The following WWOX variants were observed in gnomAD, a reference collection of about 807,000 sequenced individuals.
The protein encoded by WWOX is WW domain containing oxidoreductase, also known as WW domain-containing oxidoreductase.
In WWOX, 69 loss-of-function variants were observed where a neutral mutation model predicts 46.2. The ratio of observed to expected loss-of-function variants is 1.49; its 90% CI spans 1.23 to 1.82. The LOEUF is 1.82. Ranked by LOEUF, WWOX falls within the 40% of genes most tolerant of loss-of-function variation. The probability of loss-of-function intolerance (pLI) is 0.00; values close to 1 mark genes in which losing one functional copy is unlikely to be tolerated. For synonymous variants in WWOX, 359 were observed against 202.6 expected, an observed-to-expected ratio of 1.77 and a Z score of -6.56; for missense variants, 919 against 542.6, an observed-to-expected ratio of 1.69 and a Z score of -6.89.
At chr16:78,200,757 G>A (rs1158008916) in intron 5 of WWOX, among the ~76,000 whole-genome samples, 1 of 151,862 alleles carries the variant, frequency 6.6e-6, no homozygotes, top group African/African-American at 2.4e-5. Flanking sequence ...TCTTGGGCCC[G>A]TCCACTCGGT....
chr16:79,055,052 G>A (rs1187078066), intron 8 of WWOX, among the ~76,000 whole-genome samples: 1 of 152,112 alleles, frequency 6.6e-6, no homozygotes, highest in East Asian at 1.9e-4. Context: ...TATTTCGTCA[G>A]AGACCTAAAA....
rs367900498 is a variant in WWOX, at chr16:79,183,009, G to C, written c.1057-28599G>C. Among the ~76,000 whole-genome samples the C allele has an allele frequency of 2.0e-5, 3 of 152,308 alleles. No individual in the cohort carries two copies. The South Asian group carries it at 6.2e-4, about 32-fold the overall frequency. Reference sequence around the variant, plus strand: ...GCGGGTCAGCATAGTGGTGGCCCTCGTCTGACACACATATTTCAGGAGGGG... The same window carrying C: ...GCGGGTCAGCATAGTGGTGGCCCTCCTCTGACACACATATTTCAGGAGGGG... On this transcript the variant is annotated intron_variant, in intron 8 of 8. Transcript: ENST00000566780.
At chr16:78,398,490 C>T (rs2082339257) in intron 6 of WWOX, among the ~76,000 whole-genome samples, 1 of 152,218 alleles carries the variant, frequency 6.6e-6, no homozygotes, top group African/African-American at 2.4e-5. Context: ...TGTGTCACGT[C>T]CTCTACAGAG....
intron 5 of WWOX, among the ~76,000 whole-genome samples, chr16:78,321,348 AC>A (rs2080471696): frequency 3.9e-5 from 2 of 51,824 alleles, no homozygotes; most frequent in South Asian, 5.7e-4. Flanking sequence ...GTATATATAT[AC>A]GTATATATGC....
At chr16:78,422,249 A>G (rs2082950949) in intron 6 of WWOX, among the ~76,000 whole-genome samples, 1 of 152,176 alleles carries the variant, frequency 6.6e-6, no homozygotes, top group Admixed American at 6.5e-5. Context: ...ACTGTTTTAG[A>G]GAGCAGAAGA....
chr16:78,309,447 A>T (rs1286557872), intron 5 of WWOX, among the ~76,000 whole-genome samples: 1 of 152,148 alleles, frequency 6.6e-6, no homozygotes, highest in Non-Finnish European at 1.5e-5. Flanking sequence ...AGAATGGGCT[A>T]ATATACCACG....
At chr16:78,514,219 G>C (rs1393061741) in intron 8 of WWOX, among the ~76,000 whole-genome samples, 1 of 152,152 alleles carries the variant, frequency 6.6e-6, no homozygotes, top group Non-Finnish European at 1.5e-5. Context: ...TCTAAAAAGA[G>C]CAGATTTTAA....
intron 5 of WWOX, among the ~76,000 whole-genome samples, chr16:78,364,348 A>G (rs924979170): frequency 1.7e-4 from 26 of 152,198 alleles, no homozygotes; most frequent in Admixed American, 1.4e-3. Flanking sequence ...GGCTGTATCT[A>G]ATTACAAGGC....
At chr16:78,204,616 A>C (rs1052671658) in intron 5 of WWOX, among the ~76,000 whole-genome samples, 6 of 152,034 alleles carry the variant, frequency 3.9e-5, no homozygotes, top group African/African-American at 1.2e-4. Flanking sequence ...CTGTGAGTTC[A>C]GTTGTTTTGA....
chr16:78,648,324 G>T (rs530241539), intron 8 of WWOX, among the ~76,000 whole-genome samples: 1 of 152,320 alleles, frequency 6.6e-6, no homozygotes, highest in African/African-American at 2.4e-5. Flanking sequence ...GGAAACGCTG[G>T]TGGGTGCTCA....
At chr16:78,576,484 C>G (rs1477624672) in intron 8 of WWOX, among the ~76,000 whole-genome samples, 1 of 152,118 alleles carries the variant, frequency 6.6e-6, no homozygotes, top group Non-Finnish European at 1.5e-5. Flanking sequence ...TGATGTTTTT[C>G]CATTTCGGTT....
chr16:78,368,779 G>T (rs995235838), intron 5 of WWOX, among the ~76,000 whole-genome samples: 1 of 152,088 alleles, frequency 6.6e-6, no homozygotes. Flanking sequence ...TACCCATCGC[G>T]ATTCATTTGT....
chr16:78,752,627 C>G (rs550574513), intron 8 of WWOX, among the ~76,000 whole-genome samples: 1 of 152,188 alleles, frequency 6.6e-6, no homozygotes, highest in African/African-American at 2.4e-5. Flanking sequence ...TTTAAACTCA[C>G]TTTCAAATCA....
chr16:78,474,854 C>G (rs150077406), intron 8 of WWOX, among the ~76,000 whole-genome samples: 1 of 152,142 alleles, frequency 6.6e-6, no homozygotes, highest in African/African-American at 2.4e-5. Context: ...TGTGAGTGGT[C>G]CTTTCACTTT....
intron 5 of WWOX, among the ~76,000 whole-genome samples, chr16:78,370,429 G>A (rs536621324): frequency 5.9e-5 from 9 of 151,894 alleles, no homozygotes; most frequent in Non-Finnish European, 1.0e-4. Context: ...TCAAAATACC[G>A]TTTACATTGG....
In WWOX at chr16:78,995,066, G is replaced by T. The variant is rs142480173; in HGVS notation, c.1057-216542G>T. ...GGATTCCCAGTCCCCCTGGTAAAAA[G>T]TCTGGAGGATGCCGAGGAGTTCACT... is the stretch of plus-strand genomic sequence containing the variant. On this transcript the variant is annotated intron_variant, in intron 8 of 8. Coordinates refer to ENST00000566780, the MANE Select transcript of WWOX (RefSeq NM_016373.4). 6.2e-3 allele frequency among the ~76,000 whole-genome samples: 862 copies of T among 139,726 alleles called. 6 individuals carry two copies. The highest frequency in any genetic ancestry group is 0.023 in the Middle Eastern group (5 of 218). The allele number at this position is 139,726 out of a possible 152,430, so 91.7% of individuals were successfully genotyped here.
chr16:78,708,638 C>T (rs905477735), intron 8 of WWOX, among the ~76,000 whole-genome samples: 1 of 152,166 alleles, frequency 6.6e-6, no homozygotes, highest in Admixed American at 6.5e-5. Flanking sequence ...CTCAAGACCT[C>T]ACAGTGAACT....
intron 8 of WWOX, among the ~76,000 whole-genome samples, chr16:78,702,045 A>ATATAT (rs1491253055): frequency 1.9e-4 from 23 of 121,930 alleles, no homozygotes; most frequent in African/African-American, 7.7e-4. Flanking sequence ...ATATATATAT[A>ATATAT]AAATAATGCA....
intron 8 of WWOX, among the ~76,000 whole-genome samples, chr16:78,811,332 G>T (rs1427047938): frequency 6.6e-6 from 1 of 152,054 alleles, no homozygotes; most frequent in African/African-American, 2.4e-5. Context: ...TCACTTCGGG[G>T]AATTATATCT....
Sources: gnomAD v4.1 joint callset for allele counts (sites outside exome capture counted in the v4.1 genomes callset) on GRCh38, gnomAD v4.1.1 for gene constraint, MANE v1.5 for transcripts, NCBI Gene and HGNC (gene_info 2026-07-23, HGNC 2026-07-21) for gene names.